INTS7: variants seen among roughly 807,000 people sequenced by gnomAD.
The protein encoded by INTS7 is chromosome 1 open reading frame 73.
A neutral mutation model predicts 109.2 loss-of-function variants in INTS7; 46 were observed. The observed-to-expected ratio is 0.42, with a 90% CI of 0.33 to 0.54. The LOEUF (loss-of-function observed/expected upper bound fraction) is 0.54. Among genes scored for constraint, INTS7 ranks in the 20% least tolerant of loss-of-function variants. INTS7 has a pLI of 0.07. For synonymous variants in INTS7, 412 were observed against 402.9 expected (o/e 1.02, Z -0.27); for missense variants, 929 against 1,132.4 (o/e 0.82, Z 2.58).
chr1:212,001,771 A>G (rs1665681336), intron 7 of INTS7, among the ~76,000 whole-genome samples: 1 of 152,194 alleles, frequency 6.6e-6, no homozygotes, highest in Admixed American at 6.5e-5. Flanking sequence ...CTCTCATGGT[A>G]GATCAAGGTC....
At chr1:212,032,609 T>C (rs1417427097) in intron 1 of INTS7, among the ~76,000 whole-genome samples, 1 of 152,080 alleles carries the variant, frequency 6.6e-6, no homozygotes, top group Non-Finnish European at 1.5e-5. Context: ...CCCAAGTAGC[T>C]GGAACTACAG....
At chr1:212,005,121 A>T (rs1665846885) in intron 7 of INTS7, among the ~76,000 whole-genome samples, 2 of 152,216 alleles carry the variant, frequency 1.3e-5, no homozygotes, top group South Asian at 4.1e-4. Context: ...CCCATGCGGA[A>T]ATAACCCATC....
At chr1:211,966,278 A>G (rs1204120856) in intron 16 of INTS7, 152 bp downstream of exon 16, 7 of 472,560 alleles carry the variant, frequency 1.5e-5, no homozygotes, top group Non-Finnish European at 1.9e-5. Flanking sequence ...ATGTTTTGTC[A>G]CTAGTTATGT....
At chr1:211,949,352 C>G (rs970000383) in intron 17 of INTS7, among the ~76,000 whole-genome samples, 8 of 152,186 alleles carry the variant, frequency 5.3e-5, no homozygotes, top group African/African-American at 1.7e-4. Flanking sequence ...TGCCTAAAGA[C>G]AGCAACATGT....
intron 13 of INTS7, among the ~76,000 whole-genome samples, chr1:211,971,785 G>C (rs1274214957): frequency 6.6e-6 from 1 of 151,908 alleles, no homozygotes; most frequent in Non-Finnish European, 1.5e-5. Context: ...GCATGGTGGA[G>C]AGCGCCTGTA....
At chr1:211,966,559 AC>A in intron 15 of INTS7, 61 bp from the exon 16 acceptor site, 1 of 963,726 alleles carries the variant, frequency 1.0e-6, no homozygotes, top group South Asian at 1.4e-5. Context: ...GGTTTCTATT[AC>A]TTGAATACTA....
chr1:211,943,956 C>T (rs1662739478), intron 19 of INTS7, among the ~76,000 whole-genome samples: 1 of 152,164 alleles, frequency 6.6e-6, no homozygotes, highest in East Asian at 1.9e-4. Context: ...TTCTTTATCT[C>T]GAACACTGGC....
chr1:211,967,202 T>G (rs1283956887), intron 15 of INTS7, among the ~76,000 whole-genome samples: 1 of 151,988 alleles, frequency 6.6e-6, no homozygotes, highest in Non-Finnish European at 1.5e-5. Flanking sequence ...GTGGCTCACG[T>G]GTATAATCCC....
chr1:211,966,414 TTAA>T lies in INTS7; in HGVS notation c.2183+13_2183+15del. 2.1e-6 allele frequency: 3 copies of T among 1,424,538 alleles called. No homozygotes were observed. The highest frequency in any genetic ancestry group is 2.3e-5 in the South Asian group (2 of 86,462). 88.2% of individuals were successfully genotyped at this position (1,424,538 alleles called of 1,614,324 possible). A position where few individuals can be genotyped will look rare whatever the true frequency, so the allele number is the denominator to read the frequency against. ...AAGTGTTCTGTAACGCCAACTATTA[TTAA>T]TATTAGAATTACCTTGCTGATTCTG... On this transcript the variant is annotated intron_variant, in intron 16 of 19. Coordinates refer to ENST00000366994, the MANE Select transcript of INTS7 (RefSeq NM_015434.4).
At chr1:211,949,467 C>A (rs185401520) in intron 17 of INTS7, among the ~76,000 whole-genome samples, 84 of 152,016 alleles carry the variant, frequency 5.5e-4, no homozygotes, top group African/African-American at 1.9e-3. Flanking sequence ...GAAGGCATGC[C>A]TCCATCATCT....
intron 10 of INTS7, among the ~76,000 whole-genome samples, chr1:211,980,321 A>G (rs2102426294): frequency 6.6e-6 from 1 of 152,288 alleles, no homozygotes; most frequent in Non-Finnish European, 1.5e-5. Context: ...GCTAACGCCA[A>G]TGTTTATCTA....
Position 211,975,341 on chromosome 1 carries a change from T to G in INTS7, c.1640A>C (p.Gln547Pro), listed in dbSNP as rs1247751952. The G allele has an allele frequency of 1.2e-6, 2 of 1,614,042 alleles. No homozygotes were observed. The highest frequency in any genetic ancestry group is 3.3e-5 in the Admixed American group (2 of 60,020). ...GNHDMAKELY[Q>P]SLLTQVASEH... ...TGAGGCAACCTGAGTCAGCAAACTC[T>G]GATAAAGCTCTTTGGCCATGTCATG... Residue 547 changes from glutamine to proline, a missense_variant, in exon 13 of 20, where the codon CAG (glutamine) becomes CCG (proline). Physicochemically the swap from Gln to Pro is moderately conservative, Grantham distance 76. This residue lies in a region of INTS7 where 787 missense variants were observed against 901.1 expected (regional missense o/e 0.87). Coordinates refer to ENST00000366994, the MANE Select transcript of INTS7 (RefSeq NM_015434.4).
chr1:212,002,965 A>C (rs1395707777), intron 7 of INTS7, among the ~76,000 whole-genome samples: 1 of 152,216 alleles, frequency 6.6e-6, no homozygotes, highest in Non-Finnish European at 1.5e-5. Flanking sequence ...ACTTTAGATA[A>C]ACTGAAAAAA....
intron 17 of INTS7, among the ~76,000 whole-genome samples, chr1:211,947,679 G>C (rs1398500451): frequency 5.3e-5 from 8 of 152,162 alleles, no homozygotes; most frequent in Non-Finnish European, 7.4e-5. Flanking sequence ...CCGCTTACAG[G>C]CTCCTGCTGA....
chr1:211,965,553 C>A (rs116415521), intron 16 of INTS7, among the ~76,000 whole-genome samples: 3,784 of 152,258 alleles, frequency 0.025, 80 homozygotes, highest in Non-Finnish European at 0.04. Context: ...AACCTAAATG[C>A]CCATCGATGG....
intron 17 of INTS7, 143 bp downstream of exon 17, chr1:211,952,426 G>A (rs1663138130): frequency 2.9e-6 from 2 of 697,184 alleles, no homozygotes; most frequent in African/African-American, 1.8e-5. Context: ...CTACAATGCT[G>A]TGAGGTAGGT....
At chr1:211,947,572 C>A (rs79853618) in intron 17 of INTS7, among the ~76,000 whole-genome samples, 3,165 of 152,158 alleles carry the variant, frequency 0.021, 111 homozygotes, top group African/African-American at 0.071. Context: ...GCACTAGCTG[C>A]GGGAGGTCTG....
At chr1:212,033,926 T>C (rs559230916) in intron 1 of INTS7, among the ~76,000 whole-genome samples, 8 of 151,878 alleles carry the variant, frequency 5.3e-5, no homozygotes, top group Non-Finnish European at 7.4e-5. Context: ...ATACTAAAAA[T>C]ACAAAAATTA....
intron 1 of INTS7, among the ~76,000 whole-genome samples, chr1:212,022,802 T>C (rs1666766219): frequency 6.6e-6 from 1 of 152,210 alleles, no homozygotes; most frequent in East Asian, 1.9e-4. Flanking sequence ...CTAATGGGTA[T>C]ACTGTGAGAT....
Sources: allele counts gnomAD v4.1 joint callset (sites outside exome capture counted in the v4.1 genomes callset), GRCh38; gene constraint gnomAD v4.1.1; regional missense constraint gnomAD v4.1.1; transcripts MANE v1.5; gene names NCBI Gene and HGNC (gene_info 2026-07-23, HGNC 2026-07-21).